The following TG variants were observed in gnomAD, a reference collection of about 807,000 sequenced individuals.
The protein encoded by TG is thyroglobulin, also known as thyroid hormones.
TG carries 270 observed loss-of-function variants against 324.7 expected under a neutral mutation model. The observed-to-expected ratio is 0.83, with a 90% CI of 0.75 to 0.92. The LOEUF (loss-of-function observed/expected upper bound fraction) is 0.92. Ranked by LOEUF, TG falls within the 40% of genes least tolerant of loss-of-function variation. The probability of loss-of-function intolerance (pLI) is 0.00; values close to 1 mark genes in which losing one functional copy is unlikely to be tolerated. For synonymous variants in TG, 1,401 were observed against 1,327.0 expected (o/e 1.06, Z -1.21); for missense variants, 3,591 against 3,456.4 (o/e 1.04, Z -0.98).
At chr8:133,012,413 T>C (rs889481345) in intron 36 of TG, among the ~76,000 whole-genome samples, 2 of 152,202 alleles carry the variant, frequency 1.3e-5, no homozygotes, top group African/African-American at 4.8e-5. Flanking sequence ...GGGATACACC[T>C]AAGAGCTATT....
In TG at chr8:132,869,907, G is replaced by A. The variant is rs564074894; in HGVS notation, c.274+81G>A. ...CAGGAATGAGCACTGGGTTTGGGTG[G>A]GTGACTGAGCAGGTCCTCCCTCTGG... On this transcript the variant is annotated intron_variant, in intron 3 of 47. Transcript: ENST00000220616. 52 of 1,302,748 alleles carry A rather than the reference G, an allele frequency of 4.0e-5. No homozygotes were observed. The South Asian group carries it at 6.3e-4, about 16-fold the overall frequency. 80.7% of individuals were successfully genotyped at this position (1,302,748 alleles called of 1,614,324 possible). A position where few individuals can be genotyped will look rare whatever the true frequency, so the allele number is the denominator to read the frequency against.
intron 34 of TG, among the ~76,000 whole-genome samples, chr8:132,981,709 A>G (rs1830874000): frequency 6.6e-6 from 1 of 152,214 alleles, no homozygotes; most frequent in African/African-American, 2.4e-5. Context: ...AGACCTGCGG[A>G]ATCAGACACT....
At chr8:133,122,127 A>G (rs901331452) in intron 45 of TG, among the ~76,000 whole-genome samples, 2 of 152,236 alleles carry the variant, frequency 1.3e-5, no homozygotes, top group African/African-American at 4.8e-5. Context: ...GTGAAAAAAA[A>G]TACAACGAAT....
At chr8:132,870,344 C>T (rs1839367849) in intron 3 of TG, among the ~76,000 whole-genome samples, 1 of 148,668 alleles carries the variant, frequency 6.7e-6, no homozygotes, top group African/African-American at 2.5e-5. Flanking sequence ...GGATTAAAAG[C>T]TCTGTTTGGG....
chr8:133,085,152 T>C (rs745801673), intron 41 of TG, among the ~76,000 whole-genome samples: 1 of 152,198 alleles, frequency 6.6e-6, no homozygotes, highest in Non-Finnish European at 1.5e-5. Context: ...GATTTAAGCT[T>C]GCAAGTATAA....
chr8:132,957,793 A>G (rs1301380785), intron 27 of TG, among the ~76,000 whole-genome samples: 1 of 152,028 alleles, frequency 6.6e-6, no homozygotes, highest in Non-Finnish European at 1.5e-5. Flanking sequence ...ACGTATGTAT[A>G]TATTATTTTT....
At chr8:133,067,151 C>T (rs1274706859) in intron 41 of TG, among the ~76,000 whole-genome samples, 1 of 152,130 alleles carries the variant, frequency 6.6e-6, no homozygotes, top group African/African-American at 2.4e-5. Flanking sequence ...TTTCCGGGGT[C>T]ACCCACCACA....
chr8:132,986,943 T>C (rs1831633819), intron 35 of TG, among the ~76,000 whole-genome samples: 1 of 152,206 alleles, frequency 6.6e-6, no homozygotes, highest in Non-Finnish European at 1.5e-5. Flanking sequence ...TGTTTTGATG[T>C]CAAATACTAT....
At chr8:132,943,166 T>C (rs1174407759) in intron 26 of TG, among the ~76,000 whole-genome samples, 1 of 152,176 alleles carries the variant, frequency 6.6e-6, no homozygotes, top group Non-Finnish European at 1.5e-5. Flanking sequence ...TCATCTCATG[T>C]TGAAATGTGA....
At chr8:132,944,272 A>G (rs965947093) in intron 26 of TG, among the ~76,000 whole-genome samples, 1 of 152,016 alleles carries the variant, frequency 6.6e-6, no homozygotes. Flanking sequence ...TTAAGCCTGT[A>G]TTATTATTTT....
At chr8:132,938,970 T>C (rs1459186735) in intron 25 of TG, among the ~76,000 whole-genome samples, 1 of 143,474 alleles carries the variant, frequency 7.0e-6, no homozygotes, top group Non-Finnish European at 1.5e-5. Flanking sequence ...GAGAATGGCA[T>C]GAACCCAGGA....
intron 35 of TG, among the ~76,000 whole-genome samples, chr8:132,989,744 T>C (rs181222930): frequency 9.9e-5 from 15 of 152,278 alleles, no homozygotes; most frequent in Admixed American, 2.0e-4. Flanking sequence ...CTGCAAATGT[T>C]TTTCATTAAG....
At chr8:133,099,363 G>T (rs765107085) in intron 43 of TG, among the ~76,000 whole-genome samples, 2 of 152,192 alleles carry the variant, frequency 1.3e-5, no homozygotes, top group Non-Finnish European at 2.9e-5. Context: ...ATCCTGCCAA[G>T]AACTCATCTA....
At position 133,057,519 on chromosome 8, in the gene TG, G is replaced by C. The variant is rs769149846; in HGVS notation, c.7239+27496G>C. On this transcript the variant is annotated intron_variant, in intron 41 of 47. Transcript: ENST00000220616. ...TTTAAAAGTTTCCACACCCTTCTTTGCTGGTGCCTGCCCTGCATCATGCTG... is the reference window on the plus strand; with the variant it reads ...TTTAAAAGTTTCCACACCCTTCTTTCCTGGTGCCTGCCCTGCATCATGCTG... Among the ~76,000 whole-genome samples, 11 of 152,242 alleles carry C rather than the reference G, an allele frequency of 7.2e-5. No homozygotes were observed. In the South Asian group the frequency reaches 1.0e-3, roughly 14 times the overall value.
At chr8:132,942,797 G>A (rs934913746) in intron 26 of TG, among the ~76,000 whole-genome samples, 1 of 152,168 alleles carries the variant, frequency 6.6e-6, no homozygotes, top group Non-Finnish European at 1.5e-5. Flanking sequence ...GGAAGGTCAG[G>A]GAAGGCTTCC....
Position 133,092,826 on chromosome 8 carries a change from A to G in TG, c.7240-2218A>G, listed in dbSNP as rs529072095. The stretch of plus-strand genomic sequence containing the variant: ...CAACCGTTGGCTTGCGTAAACACCA[A>G]TTTTCCACGGTGAAAAAGGTTTCCT... On this transcript the variant is annotated intron_variant, in intron 41 of 47. Transcript: ENST00000220616. 2.6e-5 allele frequency among the ~76,000 whole-genome samples: 4 copies of G among 152,310 alleles called. No individual in the cohort carries two copies. The East Asian group carries it at 5.8e-4, about 22-fold the overall frequency.
In TG at chr8:133,096,407, T is replaced by C. The variant is rs761945111; in HGVS notation, c.7572+34T>C. ...GGAGGGGGCCTCGGATGTCTCCAGCTGGGCATTTCCTAAGGGCTCTGGACC... is the reference window on the plus strand; with the variant it reads ...GGAGGGGGCCTCGGATGTCTCCAGCCGGGCATTTCCTAAGGGCTCTGGACC... On this transcript the variant is annotated intron_variant, in intron 43 of 47. Coordinates refer to ENST00000220616, the MANE Select transcript of TG (RefSeq NM_003235.5). The C allele has an allele frequency of 6.2e-6, 10 of 1,613,386 alleles. No individual in the cohort carries two copies. In the African/African-American group the frequency reaches 1.2e-4, roughly 19 times the overall value.
chr8:132,938,877 C>A (rs141760862), intron 25 of TG, among the ~76,000 whole-genome samples: 3 of 151,914 alleles, frequency 2.0e-5, no homozygotes, highest in Non-Finnish European at 4.4e-5. Context: ...ACAGTGAAAC[C>A]CTGTCTCTAC....
chr8:133,120,033 A>G (rs1851017562), intron 45 of TG, among the ~76,000 whole-genome samples: 1 of 152,108 alleles, frequency 6.6e-6, no homozygotes, highest in Admixed American at 6.5e-5. Context: ...GTCTATGGCC[A>G]CCCATGGCAA....
Sources: allele counts gnomAD v4.1 joint callset (sites outside exome capture counted in the v4.1 genomes callset), GRCh38; gene constraint gnomAD v4.1.1; transcripts MANE v1.5; gene names NCBI Gene and HGNC (gene_info 2026-07-23, HGNC 2026-07-21).